Variants in GDPD1 observed in about 807,000 individuals in gnomAD.
GDPD1 encodes lysophospholipase D GDPD1.
Under a neutral mutation model 45.1 loss-of-function variants are expected in GDPD1, and 28 were observed. That is an observed-to-expected ratio of 0.62 (90% confidence interval 0.46 to 0.85). The LOEUF is 0.85. GDPD1 is among the 40% of genes least tolerant of loss of function. The probability of loss-of-function intolerance (pLI) is 0.00; values close to 1 mark genes in which losing one functional copy is unlikely to be tolerated. For synonymous variants in GDPD1, 139 were observed against 131.4 expected (o/e 1.06, Z -0.40); for missense variants, 256 against 364.8 (o/e 0.70, Z 2.43).
chr17:59,237,628 A>G (rs1287419322), intron 2 of GDPD1, among the ~76,000 whole-genome samples: 1 of 152,176 alleles, frequency 6.6e-6, no homozygotes, highest in Admixed American at 6.6e-5. Flanking sequence ...CACAAAGCAT[A>G]TAAATTTCAA....
At chr17:59,253,556 T>G (rs1255384488) in intron 4 of GDPD1, among the ~76,000 whole-genome samples, 4 of 152,166 alleles carry the variant, frequency 2.6e-5, no homozygotes, top group African/African-American at 4.8e-5. Flanking sequence ...CAGCACACAT[T>G]TTAGTTTTCT....
intron 2 of GDPD1, among the ~76,000 whole-genome samples, 168 bp from the exon 3 acceptor site, chr17:59,245,246 G>A (rs1472234150): frequency 5.9e-5 from 9 of 152,128 alleles, no homozygotes; most frequent in South Asian, 2.1e-4. Flanking sequence ...TTTATTCTCA[G>A]TTCATTTAGA....
intron 1 of GDPD1, among the ~76,000 whole-genome samples, chr17:59,228,170 T>TAAAAAAAA (rs36140380): frequency 1.1e-5 from 1 of 91,674 alleles, no homozygotes; most frequent in Non-Finnish European, 2.1e-5. Context: ...AGACTCCATC[T>TAAAAAAAA]AAAAAAAAAA....
chr17:59,221,279 G>C (rs2047002283), intron 1 of GDPD1, among the ~76,000 whole-genome samples: 1 of 152,014 alleles, frequency 6.6e-6, no homozygotes, highest in Non-Finnish European at 1.5e-5. Flanking sequence ...CCACCCCCAC[G>C]TTCCGAGCAC....
chr17:59,244,197 G>A (rs549199122), intron 2 of GDPD1, among the ~76,000 whole-genome samples: 5 of 150,898 alleles, frequency 3.3e-5, no homozygotes, highest in South Asian at 2.1e-4. Context: ...GGGATACTCC[G>A]GGGTCTTGCG....
intron 6 of GDPD1, among the ~76,000 whole-genome samples, chr17:59,265,862 C>G (rs1281292149): frequency 6.8e-6 from 1 of 147,676 alleles, no homozygotes; most frequent in Non-Finnish European, 1.5e-5. Flanking sequence ...TTTGGTTGTG[C>G]CACTGCACTC....
intron 2 of GDPD1, 109 bp downstream of exon 2, chr17:59,234,643 T>G (rs982054900): frequency 1.1e-5 from 8 of 702,732 alleles, no homozygotes; most frequent in Non-Finnish European, 1.7e-5. Context: ...TAGCATCAGT[T>G]TGTGATAGTT....
Position 59,248,747 on chromosome 17 carries a change from C to A in GDPD1, c.329C>A (p.Pro110Gln). The change falls in exon 4 of 10, where the codon CCA becomes CAA. Residue 110 changes from proline (P) to glutamine (Q), a missense_variant. By Grantham distance (76) the Pro-to-Gln change is moderately conservative (BLOSUM62 -1). Coordinates refer to ENST00000284116, the MANE Select transcript of GDPD1 (RefSeq NM_182569.4). The part of the protein sequence containing the change: ...NISDLKYCEL[P>Q]PYLGKLDVSF... ...AATCATATCTTTTTAAAGGAGCTCCCACCTTACCTTGGCAAACTGGATGTC... is the reference window on the plus strand; with the variant it reads ...AATCATATCTTTTTAAAGGAGCTCCAACCTTACCTTGGCAAACTGGATGTC... The A allele has an allele frequency of 6.2e-7, 1 of 1,601,642 alleles. No individual in the cohort carries two copies. The highest frequency in any genetic ancestry group is 1.1e-5 in the South Asian group (1 of 88,532).
intron 4 of GDPD1, among the ~76,000 whole-genome samples, chr17:59,251,991 CAAAA>C (rs34224346): frequency 8.2e-5 from 5 of 60,912 alleles, no homozygotes; most frequent in South Asian, 7.7e-4. Flanking sequence ...GACTCAGTCT[CAAAA>C]AAAAAAAAAA....
intron 9 of GDPD1, chr17:59,273,083 GTGTA>G: frequency 5.4e-6 from 2 of 373,448 alleles, no homozygotes; most frequent in South Asian, 8.8e-5. Flanking sequence ...GTTTGTGTGT[GTGTA>G]TATATATATA....
intron 1 of GDPD1, among the ~76,000 whole-genome samples, chr17:59,225,744 C>T (rs573812933): frequency 1.8e-4 from 27 of 151,918 alleles, no homozygotes; most frequent in African/African-American, 5.5e-4. Flanking sequence ...TTTTTTGAGA[C>T]GAAGTCTTGC....
chr17:59,273,787 T>C lies in GDPD1; in HGVS notation c.*14T>C, dbSNP rs1326304792. 1 of 1,550,572 alleles carries C rather than the reference T, an allele frequency of 6.4e-7. No homozygotes were observed. Among genetic ancestry groups the C allele is most frequent in the African/African-American group, 1.4e-5 (1 of 72,068 alleles). The stretch of plus-strand genomic sequence containing the variant: ...TTTTCAGCATAGAAAAAGAGGTACT[T>C]AGAAGTATTGAAGGAAAAAATGAAG... On this transcript the variant is annotated 3_prime_UTR_variant, in exon 10 of 10. Coordinates refer to ENST00000284116, the MANE Select transcript of GDPD1 (RefSeq NM_182569.4).
rs1365334467 is a variant in GDPD1 at position 59,274,962 on chromosome 17, C to A, written c.*1189C>A. On this transcript the variant is annotated 3_prime_UTR_variant, in exon 10 of 10. Coordinates refer to ENST00000284116, the MANE Select transcript of GDPD1 (RefSeq NM_182569.4). ...GTTCCAGCAATTCTCCTGCCTCTGC[C>A]TCCCGAGTACCTGGGATTACAGGTG... 1.3e-5 allele frequency among the ~76,000 whole-genome samples: 2 copies of A among 151,524 alleles called. No individual in the cohort carries two copies. The highest frequency in any genetic ancestry group is 4.8e-5 in the African/African-American group (2 of 41,254).
chr17:59,266,918 A>G (rs1597991992), intron 6 of GDPD1, 123 bp from the exon 7 acceptor site: 1 of 788,652 alleles, frequency 1.3e-6, no homozygotes, highest in East Asian at 2.5e-5. Flanking sequence ...GAATATTCAT[A>G]ATCCCAGGAA....
At chr17:59,263,606 G>A (rs1056109923) in intron 6 of GDPD1, among the ~76,000 whole-genome samples, 1 of 150,712 alleles carries the variant, frequency 6.6e-6, no homozygotes, top group Non-Finnish European at 1.5e-5. Context: ...AGCCTCCCGA[G>A]TAGCTGGGAT....
At chr17:59,259,606 A>T (rs1041945191) in intron 6 of GDPD1, among the ~76,000 whole-genome samples, 23 of 146,590 alleles carry the variant, frequency 1.6e-4, no homozygotes, top group South Asian at 4.4e-4. Context: ...AAAAATAGCC[A>T]GGCGTGGTGG....
chr17:59,257,779 G>A lies in GDPD1; in HGVS notation c.515G>A (p.Arg172Gln), dbSNP rs1192230662. ...KVSELVKRYN[R>Q]EHLTVWGNAN... ...TCAGAGTTGGTGAAGCGGTATAATC[G>A]AGAACACTTAACAGTGTGGGGTAAT... Residue 172 changes from arginine (R) to glutamine (Q), a missense_variant, in exon 6 of 10, where the codon CGA becomes CAA. Physicochemically the swap from Arg to Gln is conservative, Grantham distance 43. Coordinates refer to ENST00000284116, the MANE Select transcript of GDPD1 (RefSeq NM_182569.4). 3.7e-6 allele frequency: 6 copies of A among 1,606,820 alleles called. No homozygotes were observed. Among genetic ancestry groups the A allele is most frequent in the East Asian group, 2.3e-5 (1 of 44,188 alleles).
chr17:59,240,060 A>G (rs1391882531), intron 2 of GDPD1, among the ~76,000 whole-genome samples: 1 of 152,104 alleles, frequency 6.6e-6, no homozygotes, highest in African/African-American at 2.4e-5. Context: ...TGGGAGGCCG[A>G]GGCGGGCAGA....
Position 59,255,479 on chromosome 17 carries a change from C to T in GDPD1, c.368-1643C>T, listed in dbSNP as rs747551600. ...ACAATAGGCCGGGCACAGTGGCTCA[C>T]GCTTGTAATCCCAGCACTTTGGGAG... On this transcript the variant is annotated intron_variant, in intron 4 of 9. Transcript: ENST00000284116. Among the ~76,000 whole-genome samples, 52 of 151,030 alleles carry T rather than the reference C, an allele frequency of 3.4e-4. 1 individual carries two copies. Among genetic ancestry groups the T allele is most frequent in the Non-Finnish European group, 8.8e-5 (6 of 67,874 alleles).
Sources: allele counts gnomAD v4.1 joint callset (sites outside exome capture counted in the v4.1 genomes callset), GRCh38; gene constraint gnomAD v4.1.1; transcripts MANE v1.5; gene names NCBI Gene and HGNC (gene_info 2026-07-23, HGNC 2026-07-21).